The following WDR59 variants were observed in gnomAD, a reference collection of about 807,000 sequenced individuals.
WDR59 encodes the protein WD repeat domain 59.
A neutral mutation model predicts 131.2 loss-of-function variants in WDR59; 100 were observed. The ratio of observed to expected loss-of-function variants is 0.76; its 90% confidence interval spans 0.65 to 0.90. The LOEUF (loss-of-function observed/expected upper bound fraction) is 0.90. Among genes scored for constraint, WDR59 ranks in the 40% least tolerant of loss-of-function variants. The pLI is 0.00. For synonymous variants in WDR59, 601 were observed against 466.2 expected (o/e 1.29, Z -3.72); for missense variants, 1,203 against 1,262.2 (o/e 0.95, Z 0.71).
chr16:74,930,880 G>C (rs1192220260), intron 8 of WDR59: 6 of 106,198 alleles, frequency 5.6e-5, no homozygotes, highest in African/African-American at 1.1e-4. Flanking sequence ...ATGACAGAGA[G>C]AGACTCCATC....
rs1567431006 is a variant in WDR59 at position 74,956,630 on chromosome 16, T to C, written c.105-20A>G. 6.2e-7 allele frequency: 1 copy of C among 1,609,442 alleles called. No individual in the cohort carries two copies. The highest frequency in any genetic ancestry group is 8.5e-7 in the Non-Finnish European group (1 of 1,178,328). On this transcript the variant is annotated intron_variant, in intron 2 of 25. Transcript: ENST00000262144. ...CTGCGGCTAGAGACCAACATCAACA[T>C]TATAATAGTATAAAAACACAACATC...
chr16:74,959,420 C>A (rs2033458022), intron 2 of WDR59: 2 of 376,748 alleles, frequency 5.3e-6, no homozygotes, highest in South Asian at 1.9e-5. Flanking sequence ...AGCCAACGAT[C>A]TCAGTCACCG....
Position 74,903,625 on chromosome 16 carries a change from G to C in WDR59, c.1866+322C>G, listed in dbSNP as rs144256148. On this transcript the variant is annotated intron_variant, in intron 18 of 25. Coordinates refer to ENST00000262144, the MANE Select transcript of WDR59 (RefSeq NM_030581.4). ...TGAGAAACATCAGAATACCATGGAAGACTTGAAGCTAAGGTATTCTACCCT... is the reference window on the plus strand; with the variant it reads ...TGAGAAACATCAGAATACCATGGAACACTTGAAGCTAAGGTATTCTACCCT... Among the ~76,000 whole-genome samples the C allele has an allele frequency of 4.2e-3, 632 of 152,272 alleles. 7 individuals carry two copies. The highest frequency in any genetic ancestry group is 0.015 in the African/African-American group (603 of 41,552).
intron 25 of WDR59, among the ~76,000 whole-genome samples, chr16:74,878,422 G>A (rs537528853): frequency 7.0e-4 from 106 of 152,356 alleles, no homozygotes; most frequent in Non-Finnish European, 1.4e-3. Context: ...GGGAGGCCAA[G>A]GTGGGTGGAT....
intron 1 of WDR59, among the ~76,000 whole-genome samples, chr16:74,978,778 T>C (rs913978624): frequency 6.6e-6 from 1 of 151,798 alleles, no homozygotes; most frequent in Non-Finnish European, 1.5e-5. Context: ...TCTGGCTATA[T>C]GGAAGATAAA....
At chr16:74,891,072 C>T (rs549543630) in intron 20 of WDR59, among the ~76,000 whole-genome samples, 2 of 151,166 alleles carry the variant, frequency 1.3e-5, no homozygotes, top group South Asian at 2.1e-4. Context: ...CGAGATCACG[C>T]CCTGCACTCC....
chr16:74,875,392 C>CCA (rs145892420), intron 25 of WDR59, among the ~76,000 whole-genome samples: 2,669 of 152,340 alleles, frequency 0.018, 58 homozygotes, highest in African/African-American at 0.057. Context: ...TGCCTCCAGA[C>CCA]TGACCTTTCT....
intron 18 of WDR59, among the ~76,000 whole-genome samples, chr16:74,897,319 G>T (rs1040836070): frequency 1.3e-5 from 2 of 152,198 alleles, no homozygotes; most frequent in Non-Finnish European, 2.9e-5. Context: ...CAGTGTTTAG[G>T]CTTTGGGGTT....
chr16:74,904,103 G>C lies in WDR59; in HGVS notation c.1713-3C>G, dbSNP rs1479110225. The C allele has an allele frequency of 6.2e-7, 1 of 1,611,850 alleles. No individual in the cohort carries two copies. The highest frequency in any genetic ancestry group is 2.2e-5 in the East Asian group (1 of 44,858). ...AAGCAGACAAGGCTGAGAGAGATCT[G>C]TAGTTGAAAATGATAATTATCCACA... On this transcript the variant is annotated splice_polypyrimidine_tract_variant and splice_region_variant and intron_variant, in intron 17 of 25. Transcript: ENST00000262144.
intron 1 of WDR59, among the ~76,000 whole-genome samples, chr16:74,968,289 G>C (rs577282710): frequency 1.3e-5 from 2 of 152,296 alleles, no homozygotes; most frequent in African/African-American, 4.8e-5. Context: ...AAGGGTGAGA[G>C]ATTCAACATG....
Position 74,872,649 on chromosome 16 carries a change from A to T in WDR59, c.*1560T>A, listed in dbSNP as rs763156198. On this transcript the variant is annotated 3_prime_UTR_variant, in exon 26 of 26. Transcript: ENST00000262144. ...GACACAGATGTTATAACTACTCAGA[A>T]CACAGGCAAACACAGGCAGTTTGCG... The T allele has an allele frequency of 3.3e-5, 5 of 152,176 alleles. No homozygotes were observed. Among genetic ancestry groups the T allele is most frequent in the Non-Finnish European group, 7.3e-5 (5 of 68,056 alleles). 9.4% of individuals were successfully genotyped at this position (152,176 alleles called of 1,614,324 possible).
intron 3 of WDR59, among the ~76,000 whole-genome samples, chr16:74,952,499 G>T (rs1260699599): frequency 6.7e-6 from 1 of 149,654 alleles, no homozygotes; most frequent in Non-Finnish European, 1.5e-5. Context: ...TCAAAAGGGT[G>T]TCCTAGAAGG....
chr16:74,872,529 C>G lies in WDR59; in HGVS notation c.*1680G>C, dbSNP rs12051402. On this transcript the variant is annotated 3_prime_UTR_variant, in exon 26 of 26. Transcript: ENST00000262144. ...GAGCTATGATTGCATCACCACTCTCCAGTCTGGGTGACAGAGTGAGACCCT... is the reference window on the plus strand; with the variant it reads ...GAGCTATGATTGCATCACCACTCTCGAGTCTGGGTGACAGAGTGAGACCCT... 0.37 allele frequency: 54,386 copies of G among 148,860 alleles called. 11,358 individuals are homozygous for G. Among genetic ancestry groups the G allele is most frequent in the East Asian group, 0.51 (2,594 of 5,058 alleles). The allele number at this position is 148,860 out of a possible 1,614,324, so 9.2% of individuals were successfully genotyped here. A position where few individuals can be genotyped will look rare whatever the true frequency, so the allele number is the denominator to read the frequency against.
At position 74,949,754 on chromosome 16, in the gene WDR59, C is replaced by G. The variant is rs1392731310; in HGVS notation, c.371G>C (p.Ser124Thr). Reference protein sequence around the residue: ...AVFEPDLLVTSSVDTYIYIWD... With the variant: ...AVFEPDLLVTTSVDTYIYIWD... ...AATGTAGATGTAGGTGTCCACAGAG[C>G]TGGTAACCAGGAGGTCAGGCTCAAA... Residue 124 changes from serine to threonine, a missense_variant, in exon 5 of 26, where the codon AGC becomes ACC. By Grantham distance (58) the Ser-to-Thr change is moderately conservative. Coordinates refer to ENST00000262144, the MANE Select transcript of WDR59 (RefSeq NM_030581.4). The G allele has an allele frequency of 6.2e-7, 1 of 1,613,956 alleles. No individual in the cohort carries two copies.
chr16:74,957,983 C>T (rs74026635), intron 2 of WDR59, among the ~76,000 whole-genome samples: 1 of 152,138 alleles, frequency 6.6e-6, no homozygotes, highest in Non-Finnish European at 1.5e-5. Flanking sequence ...GAATCTCTGG[C>T]CTGCTCCAAA....
At chr16:74,891,929 AC>A (rs1407862564) in intron 20 of WDR59, among the ~76,000 whole-genome samples, 1 of 152,230 alleles carries the variant, frequency 6.6e-6, no homozygotes, top group African/African-American at 2.4e-5. Flanking sequence ...ATCAAAAAAA[AC>A]AAAAACAAAA....
intron 10 of WDR59, 55 bp from the exon 11 acceptor site, chr16:74,918,063 G>T: frequency 6.5e-7 from 1 of 1,543,050 alleles, no homozygotes; most frequent in Non-Finnish European, 9.0e-7. Flanking sequence ...ACGTCTATTT[G>T]CTAGAGGTTG....
intron 6 of WDR59, among the ~76,000 whole-genome samples, chr16:74,947,454 T>G (rs2032720080): frequency 6.6e-6 from 1 of 152,192 alleles, no homozygotes; most frequent in African/African-American, 2.4e-5. Context: ...GGATGAACTA[T>G]TGCTTTAATA....
intron 8 of WDR59, among the ~76,000 whole-genome samples, chr16:74,926,007 A>T (rs1298995544): frequency 1.3e-5 from 2 of 151,784 alleles, no homozygotes; most frequent in Admixed American, 6.6e-5. Context: ...TTTTAATAAA[A>T]AAAAAAAAAA....
Sources: gnomAD v4.1 joint callset for allele counts (sites outside exome capture counted in the v4.1 genomes callset) on GRCh38, gnomAD v4.1.1 for gene constraint, MANE v1.5 for transcripts, NCBI Gene and HGNC (gene_info 2026-07-23, HGNC 2026-07-21) for gene names.